The following RALGPS1 variants were observed in gnomAD, a reference collection of about 807,000 sequenced individuals.
RALGPS1 encodes Ral GEF with PH domain and SH3 binding motif 1, also known as ras-specific guanine nucleotide-releasing factor RalGPS1.
In RALGPS1, 19 loss-of-function variants were observed where a neutral mutation model predicts 78.8. The ratio of observed to expected loss-of-function variants is 0.24; its 90% CI spans 0.17 to 0.35. The LOEUF (loss-of-function observed/expected upper bound fraction) is 0.35. Ranked by LOEUF, RALGPS1 falls within the 10% of genes least tolerant of loss-of-function variation. The pLI is 1.00. For synonymous variants in RALGPS1, 228 were observed against 256.3 expected, an observed-to-expected ratio of 0.89 and a Z score of 1.06; for missense variants, 454 against 688.3, an observed-to-expected ratio of 0.66 and a Z score of 3.81.
At chr9:127,201,695 A>G (rs2061640549) in intron 14 of RALGPS1, among the ~76,000 whole-genome samples, 1 of 151,970 alleles carries the variant, frequency 6.6e-6, no homozygotes, top group Non-Finnish European at 1.5e-5. Context: ...CCCGATGCTT[A>G]GCTCCTCCAG....
chr9:126,990,941 T>C (rs1183012852), intron 4 of RALGPS1, among the ~76,000 whole-genome samples: 3 of 152,158 alleles, frequency 2.0e-5, no homozygotes, highest in Non-Finnish European at 4.4e-5. Flanking sequence ...TTGAATCCTT[T>C]CCACTTCTAT....
intron 1 of RALGPS1, among the ~76,000 whole-genome samples, chr9:126,952,650 A>AGTGTGTGT (rs1486310137): frequency 1.4e-4 from 10 of 71,138 alleles, no homozygotes; most frequent in South Asian, 5.2e-4. Context: ...AGAGAGAGAG[A>AGTGTGTGT]GAGAGAGTGT....
chr9:127,099,069 G>A (rs539955172), intron 8 of RALGPS1, among the ~76,000 whole-genome samples: 2 of 152,192 alleles, frequency 1.3e-5, no homozygotes, highest in African/African-American at 4.8e-5. Flanking sequence ...CCTGAGGTGT[G>A]GGGGGAGGAG....
Position 126,945,827 on chromosome 9 carries a change from C to T in RALGPS1, c.-65-16398C>T, listed in dbSNP as rs564167203. Among the ~76,000 whole-genome samples, 3 of 152,308 alleles carry T rather than the reference C, an allele frequency of 2.0e-5. No homozygotes were observed. The East Asian group carries it at 5.8e-4, about 29-fold the overall frequency. ...GCTTTCTGCTTCTGTGTGATAAGGT[C>T]GTTCCCTGGGGCAGACATCGTCTTC... On this transcript the variant is annotated intron_variant, in intron 1 of 18. Coordinates refer to ENST00000259351, the MANE Select transcript of RALGPS1 (RefSeq NM_014636.3).
chr9:126,954,562 G>A (rs1462697933), intron 1 of RALGPS1, among the ~76,000 whole-genome samples: 1 of 152,168 alleles, frequency 6.6e-6, no homozygotes. Context: ...CAAAGCAGGT[G>A]GATCACTTGA....
intron 11 of RALGPS1, among the ~76,000 whole-genome samples, chr9:127,186,815 G>A (rs549521987): frequency 1.8e-4 from 27 of 152,336 alleles, no homozygotes; most frequent in South Asian, 8.3e-4. Flanking sequence ...TCTGAGGCCA[G>A]GCGTGTCTCC....
At chr9:127,074,467 C>A (rs1449050154) in intron 8 of RALGPS1, among the ~76,000 whole-genome samples, 2 of 152,184 alleles carry the variant, frequency 1.3e-5, no homozygotes, top group African/African-American at 2.4e-5. Flanking sequence ...CTGTGCAGAG[C>A]TCCCAAGTCC....
At chr9:127,034,159 C>T (rs1457738239) in intron 4 of RALGPS1, among the ~76,000 whole-genome samples, 6 of 152,188 alleles carry the variant, frequency 3.9e-5, no homozygotes, top group Non-Finnish European at 8.8e-5. Context: ...GAGAAGCTGG[C>T]AGAGTGGCAG....
chr9:127,134,075 C>T (rs527883707), intron 8 of RALGPS1, among the ~76,000 whole-genome samples: 6 of 151,980 alleles, frequency 3.9e-5, no homozygotes, highest in Non-Finnish European at 7.4e-5. Flanking sequence ...AAAATATTCA[C>T]GGCCGCCATC....
At chr9:127,140,890 G>A (rs748613978) in intron 8 of RALGPS1, among the ~76,000 whole-genome samples, 1 of 152,208 alleles carries the variant, frequency 6.6e-6, no homozygotes, top group Non-Finnish European at 1.5e-5. Flanking sequence ...TGGAGAGATG[G>A]AAGGGTGGAA....
rs561122587 is a variant in RALGPS1, at chr9:126,947,605, A to G, written c.-65-14620A>G. ...GTTGGCCAGGTCAAGCAACTGGCCA[A>G]GGGCACAAAGTAAGTGAAAAGTGAG... On this transcript the variant is annotated intron_variant, in intron 1 of 18. Coordinates refer to ENST00000259351, the MANE Select transcript of RALGPS1 (RefSeq NM_014636.3). Among the ~76,000 whole-genome samples, 9 of 152,358 alleles carry G rather than the reference A, an allele frequency of 5.9e-5. No homozygotes were observed. The South Asian group carries it at 1.2e-3, about 21-fold the overall frequency.
intron 8 of RALGPS1, among the ~76,000 whole-genome samples, chr9:127,130,656 A>G (rs996828529): frequency 6.6e-6 from 1 of 152,268 alleles, no homozygotes; most frequent in Non-Finnish European, 1.5e-5. Context: ...TTGACATCCA[A>G]AAATAATTCA....
intron 7 of RALGPS1, among the ~76,000 whole-genome samples, chr9:127,057,115 C>G (rs2048810025): frequency 6.6e-6 from 1 of 152,206 alleles, no homozygotes. Context: ...CAGCCTTGTC[C>G]TGCTGGAATC....
At position 127,157,634 on chromosome 9, in the gene RALGPS1, T is replaced by C. The variant is rs116454764; in HGVS notation, c.611-8435T>C. Among the ~76,000 whole-genome samples the C allele has an allele frequency of 4.7e-3, 714 of 152,214 alleles. 6 individuals carry two copies. Among genetic ancestry groups the C allele is most frequent in the African/African-American group, 0.016 (682 of 41,580 alleles). ...AAATTGCCCTTTTTTTCCATTGTGT[T>C]TTCTAGCTGATGATTACTGTTATAT... On this transcript the variant is annotated intron_variant, in intron 8 of 18. Coordinates refer to ENST00000259351, the MANE Select transcript of RALGPS1 (RefSeq NM_014636.3).
At chr9:127,082,361 G>A (rs1029667812) in intron 8 of RALGPS1, among the ~76,000 whole-genome samples, 5 of 152,318 alleles carry the variant, frequency 3.3e-5, no homozygotes, top group East Asian at 1.9e-4. Context: ...TTGTTACTCC[G>A]TGTCCATTGT....
chr9:126,996,578 T>C (rs1414913305), intron 4 of RALGPS1, among the ~76,000 whole-genome samples: 1 of 152,088 alleles, frequency 6.6e-6, no homozygotes, highest in Non-Finnish European at 1.5e-5. Context: ...ACCAGATGGA[T>C]TCACAGCCGA....
At chr9:126,953,360 T>G (rs983596803) in intron 1 of RALGPS1, among the ~76,000 whole-genome samples, 1 of 151,332 alleles carries the variant, frequency 6.6e-6, no homozygotes, top group Non-Finnish European at 1.5e-5. Flanking sequence ...TGTGTGTGCA[T>G]GTACACGTGC....
At chr9:127,139,717 G>A (rs1342702285) in intron 8 of RALGPS1, among the ~76,000 whole-genome samples, 2 of 152,172 alleles carry the variant, frequency 1.3e-5, no homozygotes, top group African/African-American at 2.4e-5. Flanking sequence ...CCTGTGCCTC[G>A]GCCTCCATGT....
intron 8 of RALGPS1, among the ~76,000 whole-genome samples, chr9:127,083,630 C>G (rs536297994): frequency 3.4e-4 from 52 of 152,330 alleles, no homozygotes; most frequent in African/African-American, 1.2e-3. Flanking sequence ...ATGTAACCAG[C>G]TTATTAAATG....
Sources: allele counts gnomAD v4.1 joint callset (sites outside exome capture counted in the v4.1 genomes callset), GRCh38; gene constraint gnomAD v4.1.1; transcripts MANE v1.5; gene names NCBI Gene and HGNC (gene_info 2026-07-23, HGNC 2026-07-21).